Variants in SYT17 observed in about 807,000 individuals in gnomAD.
The protein encoded by SYT17 is synaptotagmin 17, also known as synaptotagmin-17.
Under a neutral mutation model 46.7 loss-of-function variants are expected in SYT17, and 22 were observed. The ratio of observed to expected loss-of-function variants is 0.47; its 90% CI spans 0.34 to 0.67. The LOEUF is 0.67. SYT17 is among the 30% of genes least tolerant of loss of function. SYT17 has a pLI of 0.01. For synonymous variants in SYT17, 251 were observed against 248.4 expected (o/e 1.01, Z -0.10); for missense variants, 519 against 612.8 (o/e 0.85, Z 1.62).
At chr16:19,208,653 A>G (rs1163140898) in intron 5 of SYT17, among the ~76,000 whole-genome samples, 1 of 152,076 alleles carries the variant, frequency 6.6e-6, no homozygotes, top group African/African-American at 2.4e-5. Context: ...TCATGTCAGG[A>G]AGGTGTTGGC....
intron 2 of SYT17, chr16:19,173,187 T>C: frequency 3.6e-6 from 2 of 554,378 alleles, no homozygotes; most frequent in Non-Finnish European, 3.2e-6. Flanking sequence ...TGCAAATGTT[T>C]TGCTTGCTAC....
chr16:19,189,338 C>CT (rs35195326), intron 5 of SYT17, among the ~76,000 whole-genome samples: 24,613 of 129,504 alleles, frequency 0.19, 3,197 homozygotes, highest in African/African-American at 0.37. Flanking sequence ...CTCAACCTGT[C>CT]TTTTTTTTTT....
intron 1 of SYT17, chr16:19,170,984 C>T (rs1323143726): frequency 6.6e-6 from 1 of 152,144 alleles, no homozygotes; most frequent in Non-Finnish European, 1.5e-5. Context: ...TCCTGTCCCA[C>T]CTCAACAGCA....
chr16:19,202,990 G>A (rs1444787038), intron 5 of SYT17, among the ~76,000 whole-genome samples: 1 of 152,090 alleles, frequency 6.6e-6, no homozygotes, highest in Admixed American at 6.6e-5. Flanking sequence ...AGTGTTCAGG[G>A]GTTTTGGAAG....
At chr16:19,224,414 G>C (rs2269785) in intron 6 of SYT17, among the ~76,000 whole-genome samples, 40,766 of 152,022 alleles carry the variant, frequency 0.27, 5,708 homozygotes, top group African/African-American at 0.33. Flanking sequence ...CTGTCAAATA[G>C]ATGAGAAATT....
chr16:19,209,685 A>G (rs888543878), intron 5 of SYT17, among the ~76,000 whole-genome samples: 18 of 151,542 alleles, frequency 1.2e-4, no homozygotes, highest in African/African-American at 3.9e-4. Context: ...CCTGGCTAAC[A>G]TGGTGAAACC....
intron 7 of SYT17, among the ~76,000 whole-genome samples, chr16:19,266,219 T>G (rs1423034989): frequency 2.0e-5 from 3 of 152,224 alleles, no homozygotes; most frequent in Non-Finnish European, 4.4e-5. Flanking sequence ...CCCAGGATAT[T>G]TGGTCCCATG....
upstream of SYT17, chr16:19,167,872 C>A (rs892946252): frequency 6.6e-6 from 1 of 152,228 alleles, no homozygotes; most frequent in African/African-American, 2.4e-5. Context: ...GGTAAAGGGG[C>A]GCTCCGCTCT....
intron 7 of SYT17, among the ~76,000 whole-genome samples, chr16:19,232,887 C>A (rs966505167): frequency 3.5e-4 from 53 of 152,116 alleles, no homozygotes; most frequent in African/African-American, 1.2e-3. Context: ...CTGGTCCCTA[C>A]CCCTGCACAT....
chr16:19,213,174 C>T (rs190938937), intron 5 of SYT17, among the ~76,000 whole-genome samples: 1 of 152,192 alleles, frequency 6.6e-6, no homozygotes, highest in Non-Finnish European at 1.5e-5. Context: ...AAATTTACTT[C>T]TGTAGGAAGG....
intron 7 of SYT17, among the ~76,000 whole-genome samples, chr16:19,228,013 C>T (rs780810026): frequency 6.7e-6 from 1 of 150,192 alleles, no homozygotes; most frequent in African/African-American, 2.5e-5. Context: ...GATACTGTTG[C>T]ATGATGTAGT....
Position 19,212,674 on chromosome 16 carries a change from C to T in SYT17, c.952-10371C>T, listed in dbSNP as rs949965234. Among the ~76,000 whole-genome samples, 4 of 152,210 alleles carry T rather than the reference C, an allele frequency of 2.6e-5. No individual in the cohort carries two copies. The South Asian group carries it at 6.2e-4, about 24-fold the overall frequency. ...GGGAAGTGAGGTAATGGCATGGTTC[C>T]GTTTTCTTTTAGAAAACCAGAATAT... is the stretch of plus-strand genomic sequence containing the variant. On this transcript the variant is annotated intron_variant, in intron 5 of 7. Coordinates refer to ENST00000355377, the MANE Select transcript of SYT17 (RefSeq NM_016524.4).
chr16:19,253,140 T>G (rs1277239208), intron 7 of SYT17, among the ~76,000 whole-genome samples: 9 of 152,218 alleles, frequency 5.9e-5, no homozygotes, highest in Non-Finnish European at 1.3e-4. Flanking sequence ...AATACAGCCA[T>G]GTGCATTCAT....
At position 19,198,830 on chromosome 16, in the gene SYT17, T is replaced by G. The variant is rs138615452; in HGVS notation, c.951+14683T>G. On this transcript the variant is annotated intron_variant, in intron 5 of 7. Transcript: ENST00000355377. ...TGGTAACACTAAATAAATGTCAATG[T>G]CAGTCATTACCATGATAATTACATT... Among the ~76,000 whole-genome samples, 661 of 152,376 alleles carry G rather than the reference T, an allele frequency of 4.3e-3. 4 individuals are homozygous for G. The highest frequency in any genetic ancestry group is 0.014 in the African/African-American group (600 of 41,582).
intron 5 of SYT17, among the ~76,000 whole-genome samples, chr16:19,214,976 C>A (rs229025): frequency 6.6e-6 from 1 of 151,356 alleles, no homozygotes; most frequent in South Asian, 2.1e-4. Context: ...CTAGTAGAGA[C>A]GGGGTTTCAC....
At chr16:19,223,741 G>A (rs1051187712) in intron 6 of SYT17, among the ~76,000 whole-genome samples, 1 of 152,128 alleles carries the variant, frequency 6.6e-6, no homozygotes, top group African/African-American at 2.4e-5. Flanking sequence ...CTCTAAGTGC[G>A]GTAGCTAAAA....
intron 5 of SYT17, among the ~76,000 whole-genome samples, chr16:19,210,605 AAAGTG>A (rs1304244753): frequency 2.6e-5 from 4 of 152,102 alleles, no homozygotes; most frequent in Admixed American, 2.6e-4. Flanking sequence ...ACTGGGAAAA[AAAGTG>A]AAGAGAAGAA....
At chr16:19,261,469 G>A (rs1171015574) in intron 7 of SYT17, among the ~76,000 whole-genome samples, 2 of 152,228 alleles carry the variant, frequency 1.3e-5, no homozygotes, top group Non-Finnish European at 2.9e-5. Flanking sequence ...AAATTGGGAT[G>A]AGGAGCATAG....
intron 5 of SYT17, among the ~76,000 whole-genome samples, chr16:19,215,578 AT>A (rs1204163148): frequency 6.6e-6 from 1 of 152,034 alleles, no homozygotes; most frequent in Non-Finnish European, 1.5e-5. Context: ...CAGCTGGCTA[AT>A]TTTTTAATTT....
Sources: gnomAD v4.1 joint callset for allele counts (sites outside exome capture counted in the v4.1 genomes callset) on GRCh38, gnomAD v4.1.1 for gene constraint, MANE v1.5 for transcripts, NCBI Gene and HGNC (gene_info 2026-07-23, HGNC 2026-07-21) for gene names.